The following FYB2 variants were observed in gnomAD, a reference collection of about 807,000 sequenced individuals.
The protein encoded by FYB2 is FYN binding protein 2, also known as FYN-binding protein 2.
FYB2 carries 103 observed loss-of-function variants against 94.1 expected under a neutral mutation model. That is an observed-to-expected ratio of 1.09 (90% CI 0.93 to 1.29). FYB2 has a LOEUF of 1.29. Among genes scored for constraint, FYB2 ranks in the 50% most tolerant of loss-of-function variants. FYB2 has a pLI of 0.00. For synonymous variants in FYB2, 293 were observed against 287.9 expected (o/e 1.02, Z -0.18); for missense variants, 896 against 841.5 (o/e 1.06, Z -0.80).
chr1:56,763,951 C>T, intron 5 of FYB2, among the ~76,000 whole-genome samples: 1 of 148,890 alleles, frequency 6.7e-6, no homozygotes, highest in Non-Finnish European at 1.5e-5. Flanking sequence ...CATATTATGT[C>T]TATTTTTTTT....
chr1:56,757,696 T>TTCTTTCTTTCTTTCTTTCTTTCTC (rs1645377316), intron 6 of FYB2, among the ~76,000 whole-genome samples: 1 of 79,276 alleles, frequency 1.3e-5, no homozygotes, highest in Non-Finnish European at 2.4e-5. Context: ...CCTTCTTTCT[T>TTCTTTCTTTCTTTCTTTCTTTCTC]TCTTTCTTTC....
intron 1 of FYB2, among the ~76,000 whole-genome samples, chr1:56,814,984 T>A (rs1646849319): frequency 6.6e-6 from 1 of 152,144 alleles, no homozygotes; most frequent in Non-Finnish European, 1.5e-5. Context: ...TCAGTGATAT[T>A]TAGTTGGACC....
intron 4 of FYB2, among the ~76,000 whole-genome samples, chr1:56,786,344 C>T (rs1435683410): frequency 1.3e-5 from 2 of 152,198 alleles, no homozygotes; most frequent in Non-Finnish European, 1.5e-5. Flanking sequence ...ACTTCCTTGA[C>T]CCTCCCAAGA....
chr1:56,788,571 C>T (rs1234719404), intron 3 of FYB2, among the ~76,000 whole-genome samples: 1 of 150,792 alleles, frequency 6.6e-6, no homozygotes, highest in African/African-American at 2.4e-5. Context: ...GAGGGGCTCC[C>T]CCTAAGGATT....
chr1:56,731,076 AAAAACAAAACAAAAC>A (rs557464368), intron 15 of FYB2, among the ~76,000 whole-genome samples: 1 of 152,056 alleles, frequency 6.6e-6, no homozygotes, highest in Non-Finnish European at 1.5e-5. Context: ...ACCCTGTTAC[AAAAACAAAACAAAAC>A]AAAACAAAAA....
At chr1:56,778,871 C>T (rs543680987) in intron 4 of FYB2, among the ~76,000 whole-genome samples, 5 of 152,170 alleles carry the variant, frequency 3.3e-5, no homozygotes, top group East Asian at 3.9e-4. Flanking sequence ...CATTTCCTGC[C>T]GCATTTCCAG....
chr1:56,745,191 T>C (rs947368427), intron 9 of FYB2, among the ~76,000 whole-genome samples: 2 of 152,022 alleles, frequency 1.3e-5, no homozygotes, highest in African/African-American at 4.8e-5. Context: ...AGCATTTATT[T>C]CCTTCCTCAA....
intron 14 of FYB2, among the ~76,000 whole-genome samples, chr1:56,737,939 A>G (rs1644866002): frequency 6.6e-6 from 1 of 152,096 alleles, no homozygotes; most frequent in African/African-American, 2.4e-5. Context: ...CTTTTAGTTC[A>G]GCAAACTCAT....
intron 4 of FYB2, among the ~76,000 whole-genome samples, chr1:56,774,095 T>C (rs1341915935): frequency 8.5e-5 from 13 of 152,150 alleles, no homozygotes; most frequent in Admixed American, 8.5e-4. Flanking sequence ...CAAAAAAATA[T>C]ATGATGAATT....
chr1:56,747,466 C>G (rs1461102022), intron 9 of FYB2, among the ~76,000 whole-genome samples: 1 of 151,808 alleles, frequency 6.6e-6, no homozygotes, highest in East Asian at 1.9e-4. Flanking sequence ...TACATGCGTT[C>G]CTCATTGTTC....
At position 56,723,977 on chromosome 1, in the gene FYB2, GATA is replaced by G. The variant is rs372794633; in HGVS notation, c.1881-299_1881-297del. On this transcript the variant is annotated intron_variant, in intron 16 of 19. Coordinates refer to ENST00000343433, the MANE Select transcript of FYB2 (RefSeq NM_001004303.5). ...ATTAAAAAAATATTTTTGATGGCAA[GATA>G]ATAACGGGATAAAATCACATTGGTT... is the stretch of plus-strand genomic sequence containing the variant. Among the ~76,000 whole-genome samples the G allele has an allele frequency of 3.6e-3, 551 of 151,790 alleles. 1 individual carries two copies. The highest frequency in any genetic ancestry group is 0.01 in the Middle Eastern group (3 of 294).
intron 8 of FYB2, among the ~76,000 whole-genome samples, chr1:56,753,193 G>A (rs1645241920): frequency 6.6e-6 from 1 of 152,020 alleles, no homozygotes; most frequent in African/African-American, 2.4e-5. Context: ...TGTGAGTACT[G>A]GCAATAGCCC....
intron 15 of FYB2, among the ~76,000 whole-genome samples, chr1:56,728,415 G>A (rs756960346): frequency 1.3e-5 from 2 of 152,150 alleles, no homozygotes; most frequent in African/African-American, 4.8e-5. Context: ...TATCAGGCAC[G>A]TGATACAGAT....
intron 1 of FYB2, among the ~76,000 whole-genome samples, chr1:56,797,681 A>G (rs1301172632): frequency 1.3e-5 from 2 of 152,148 alleles, no homozygotes; most frequent in African/African-American, 4.8e-5. Flanking sequence ...TCACATAGGA[A>G]CTGCCCCATT....
chr1:56,720,354 A>G lies in FYB2; in HGVS notation c.1975-25T>C, dbSNP rs760514897. On this transcript the variant is annotated intron_variant, in intron 17 of 19. Transcript: ENST00000343433. ...ACTGAAATGAGAAATTACTAATCAG[A>G]CCATTCTTGCATAGTTGTTATTTTT... The G allele has an allele frequency of 7.6e-6, 12 of 1,571,456 alleles. No homozygotes were observed. The South Asian group carries it at 1.2e-4, about 16-fold the overall frequency.
chr1:56,789,759 G>A (rs1444496897), intron 2 of FYB2, among the ~76,000 whole-genome samples: 2 of 152,154 alleles, frequency 1.3e-5, no homozygotes, highest in African/African-American at 4.8e-5. Context: ...GCTTCTGTGG[G>A]TGGGGATGGT....
chr1:56,755,014 T>C (rs1645291785), intron 7 of FYB2, among the ~76,000 whole-genome samples: 2 of 152,034 alleles, frequency 1.3e-5, no homozygotes, highest in African/African-American at 4.8e-5. Flanking sequence ...CAGCACACGT[T>C]TTTAGATTCA....
intron 9 of FYB2, among the ~76,000 whole-genome samples, chr1:56,750,101 T>C (rs1285704315): frequency 1.3e-5 from 2 of 151,938 alleles, no homozygotes; most frequent in African/African-American, 2.4e-5. Context: ...TACCAAATGG[T>C]CTGTGATTTC....
intron 4 of FYB2, among the ~76,000 whole-genome samples, chr1:56,778,110 C>T (rs1221296673): frequency 1.3e-5 from 2 of 152,104 alleles, no homozygotes; most frequent in East Asian, 3.9e-4. Flanking sequence ...GCAGTGCTCT[C>T]TACTACCTCG....
Sources: gnomAD v4.1 joint callset for allele counts (sites outside exome capture counted in the v4.1 genomes callset) on GRCh38, gnomAD v4.1.1 for gene constraint, MANE v1.5 for transcripts, NCBI Gene and HGNC (gene_info 2026-07-23, HGNC 2026-07-21) for gene names.